Variants in PTH2R observed in about 807,000 individuals in gnomAD.
The protein encoded by PTH2R is parathyroid hormone 2 receptor.
In PTH2R, 59 loss-of-function variants were observed where a neutral mutation model predicts 60.3. The ratio of observed to expected loss-of-function variants is 0.98; its 90% CI spans 0.79 to 1.22. The LOEUF is 1.22. Ranked by LOEUF, PTH2R falls within the 50% of genes most tolerant of loss-of-function variation. The pLI is 0.00. For synonymous variants in PTH2R, 256 were observed against 243.8 expected (o/e 1.05, Z -0.47); for missense variants, 749 against 682.6 (o/e 1.10, Z -1.08).
rs1701210418 is a variant in PTH2R, at chr2:208,396,532, G to T, written c.-258-31669G>T. Among the ~76,000 whole-genome samples the T allele has an allele frequency of 3.3e-5, 5 of 152,314 alleles. No individual in the cohort carries two copies. In the South Asian group the frequency reaches 1.0e-3, roughly 32 times the overall value. ...ACACTTCTCAAAATAAGACATTTAT[G>T]CACCCAACAGACACATGAAAAAATG... On this transcript the variant is annotated intron_variant, in intron 1 of 12. Coordinates refer to the PTH2R transcript ENST00000617735.
intron 4 of PTH2R, among the ~76,000 whole-genome samples, chr2:208,440,623 C>G (rs999528303): frequency 6.6e-5 from 10 of 152,078 alleles, no homozygotes; most frequent in African/African-American, 2.4e-4. Context: ...AGAAGAGACC[C>G]ATGGCTGCGT....
intron 4 of PTH2R, among the ~76,000 whole-genome samples, chr2:208,439,396 AC>A (rs1702139728): frequency 6.6e-6 from 1 of 151,986 alleles, no homozygotes; most frequent in African/African-American, 2.4e-5. Context: ...ATTTGGAAAA[AC>A]CCAAGAAAAC....
intron 1 of PTH2R, among the ~76,000 whole-genome samples, chr2:208,379,666 C>T (rs1371887445): frequency 6.6e-6 from 1 of 151,918 alleles, no homozygotes; most frequent in Admixed American, 6.6e-5. Context: ...TTGAGACCAG[C>T]CTGGTTAACA....
chr2:208,413,533 T>G (rs1306206725), intron 1 of PTH2R, among the ~76,000 whole-genome samples: 1 of 152,206 alleles, frequency 6.6e-6, no homozygotes, highest in African/African-American at 2.4e-5. Flanking sequence ...CTGTTATGAT[T>G]TCAATAGTGC....
In PTH2R at chr2:208,390,115, TCTC is replaced by T. The variant is rs1701079742; in HGVS notation, c.-259+29882_-259+29884del. ...TTTTAGATGACCCTTGTTGCACCCTTCTCCTCAAATTTTTGAACTGTCAGCAAT... is the reference window on the plus strand; with the variant it reads ...TTTTAGATGACCCTTGTTGCACCCTTCTCAAATTTTTGAACTGTCAGCAAT... On this transcript the variant is annotated intron_variant, in intron 1 of 12. Coordinates refer to the PTH2R transcript ENST00000617735. Among the ~76,000 whole-genome samples the T allele has an allele frequency of 7.2e-5, 11 of 152,302 alleles. No homozygotes were observed. In the South Asian group the frequency reaches 2.3e-3, roughly 32 times the overall value.
chr2:208,393,721 T>C (rs1006915850), intron 1 of PTH2R, among the ~76,000 whole-genome samples: 3 of 152,190 alleles, frequency 2.0e-5, no homozygotes, highest in African/African-American at 7.2e-5. Flanking sequence ...CTGAGTTAAA[T>C]TTTGGAAAAT....
chr2:208,493,755 AATTC>A lies in PTH2R; in HGVS notation c.*98_*101del. The stretch of plus-strand genomic sequence containing the variant: ...CCTATGCTTGAGTTCAAAGGCTGAA[AATTC>A]AGTTAAGGTGTTACTTAATAATAGT... On this transcript the variant is annotated 3_prime_UTR_variant, in exon 13 of 13. Coordinates refer to ENST00000272847, the MANE Select transcript of PTH2R (RefSeq NM_005048.4). 7.4e-7 allele frequency: 1 copy of A among 1,356,988 alleles called. No homozygotes were observed. The highest frequency in any genetic ancestry group is 1.7e-5 in the South Asian group (1 of 57,192). 84.1% of individuals were successfully genotyped at this position (1,356,988 alleles called of 1,614,324 possible). A position where few individuals can be genotyped will look rare whatever the true frequency, so the allele number is the denominator to read the frequency against.
intron 12 of PTH2R, among the ~76,000 whole-genome samples, chr2:208,492,669 A>G (rs979040462): frequency 6.6e-6 from 1 of 152,092 alleles, no homozygotes; most frequent in Non-Finnish European, 1.5e-5. Flanking sequence ...CATATTTACA[A>G]TTGTGAACCT....
intron 2 of PTH2R, among the ~76,000 whole-genome samples, chr2:208,429,129 T>C (rs1401634574): frequency 6.6e-6 from 1 of 152,032 alleles, no homozygotes; most frequent in Non-Finnish European, 1.5e-5. Flanking sequence ...TCTTATAGTT[T>C]TGTCAATTTT....
Position 208,407,566 on chromosome 2 carries a change from G to T in PTH2R, c.75+448G>T, listed in dbSNP as rs10181482. Among the ~76,000 whole-genome samples the T allele has an allele frequency of 6.3e-3, 963 of 152,274 alleles. 8 individuals carry two copies. Among genetic ancestry groups the T allele is most frequent in the African/African-American group, 0.022 (933 of 41,562 alleles). Reference sequence around the variant, plus strand: ...TGACCACTATCTGAAAGAATAATTGGCTGTCTGTGATACAGAATCACATAC... The same window carrying T: ...TGACCACTATCTGAAAGAATAATTGTCTGTCTGTGATACAGAATCACATAC... On this transcript the variant is annotated intron_variant, in intron 1 of 12. Coordinates refer to ENST00000272847, the MANE Select transcript of PTH2R (RefSeq NM_005048.4).
chr2:208,379,997 C>T (rs780611228), intron 1 of PTH2R, among the ~76,000 whole-genome samples: 88 of 152,170 alleles, frequency 5.8e-4, no homozygotes, highest in Admixed American at 1.8e-3. Context: ...CTGCATTTTC[C>T]GATTTCATTC....
rs529161874 is a variant in PTH2R, at chr2:208,429,697, C to T, written c.178+1394C>T. Among the ~76,000 whole-genome samples, 17 of 152,074 alleles carry T rather than the reference C, an allele frequency of 1.1e-4. No individual in the cohort carries two copies. The South Asian group carries it at 1.2e-3, about 11-fold the overall frequency. ...ACTGCTCAATAGTGTTAAGTATATT[C>T]GCATTGTTGTGCAATCAGTCTCCAG... On this transcript the variant is annotated intron_variant, in intron 2 of 12. Transcript: ENST00000272847.
At chr2:208,447,314 C>T (rs1702305959) in intron 7 of PTH2R, among the ~76,000 whole-genome samples, 1 of 151,854 alleles carries the variant, frequency 6.6e-6, no homozygotes, top group Non-Finnish European at 1.5e-5. Flanking sequence ...GGAGGCTGGG[C>T]GCAGTGGCTC....
At chr2:208,364,519 T>C (rs1700541161) in intron 1 of PTH2R, among the ~76,000 whole-genome samples, 1 of 152,230 alleles carries the variant, frequency 6.6e-6, no homozygotes, top group Admixed American at 6.5e-5. Context: ...GGAGCTCTTC[T>C]TGGAGGTCAG....
chr2:208,409,542 T>G (rs1561239), intron 1 of PTH2R, among the ~76,000 whole-genome samples: 111,768 of 152,142 alleles, frequency 0.73, 44,923 homozygotes, highest in East Asian at 0.94. Context: ...CTAACACAGA[T>G]ATTTCAAAAA....
At chr2:208,489,497 C>G (rs1703355320) in intron 11 of PTH2R, among the ~76,000 whole-genome samples, 1 of 151,938 alleles carries the variant, frequency 6.6e-6, no homozygotes, top group Non-Finnish European at 1.5e-5. Context: ...AAGGTGAAGG[C>G]AGGAAAGAGC....
rs114600485 is a variant in PTH2R at position 208,492,195 on chromosome 2, C to T, written c.1258-1069C>T. On this transcript the variant is annotated intron_variant, in intron 12 of 12. Transcript: ENST00000272847. ...TTTGCAGTGCCTGCTTTTCTATCCA[C>T]GAGCCTTCTTTTCTCACTCTGACTC... is the stretch of plus-strand genomic sequence containing the variant. Among the ~76,000 whole-genome samples, 1,148 of 152,326 alleles carry T rather than the reference C, an allele frequency of 7.5e-3. 16 individuals are homozygous for T. Among genetic ancestry groups the T allele is most frequent in the African/African-American group, 0.026 (1,067 of 41,572 alleles).
chr2:208,436,261 C>A (rs1229578358), intron 2 of PTH2R, among the ~76,000 whole-genome samples: 2 of 142,150 alleles, frequency 1.4e-5, no homozygotes, highest in African/African-American at 4.9e-5. Context: ...CAGAAGTTGA[C>A]ATTTGAGTGA....
chr2:208,481,508 G>A (rs1367503558), intron 10 of PTH2R, among the ~76,000 whole-genome samples: 1 of 152,038 alleles, frequency 6.6e-6, no homozygotes, highest in Admixed American at 6.6e-5. Flanking sequence ...ACCATACCCG[G>A]CCTTTGGTTA....
Sources: gnomAD v4.1 joint callset for allele counts (sites outside exome capture counted in the v4.1 genomes callset) on GRCh38, gnomAD v4.1.1 for gene constraint, MANE v1.5 for transcripts, NCBI Gene and HGNC (gene_info 2026-07-23, HGNC 2026-07-21) for gene names.